PRDM16: variants seen among roughly 807,000 people sequenced by gnomAD.
PRDM16 encodes the protein histone-lysine N-methyltransferase PRDM16.
Under a neutral mutation model 110.6 loss-of-function variants are expected in PRDM16, and 23 were observed. That is an observed-to-expected ratio of 0.21 (90% confidence interval 0.15 to 0.29). The LOEUF is 0.29. Among genes scored for constraint, PRDM16 ranks in the 10% least tolerant of loss-of-function variants. The pLI is 1.00. For missense variants in PRDM16, 1,615 were observed against 1,794.3 expected (o/e 0.90, Z 1.81); for synonymous variants, 799 against 781.8 (o/e 1.02, Z -0.37).
intron 3 of PRDM16, among the ~76,000 whole-genome samples, chr1:3,360,836 CT>C (rs969330063): frequency 2.0e-5 from 3 of 152,226 alleles, no homozygotes; most frequent in African/African-American, 7.2e-5. Flanking sequence ...GCAGGACCCC[CT>C]GACTCAGGCC....
rs997669922 is a variant in PRDM16 at position 3,255,661 on chromosome 1, A to G, written c.438+11524A>G. Among the ~76,000 whole-genome samples, 1 of 152,122 alleles carries G rather than the reference A, an allele frequency of 6.6e-6. No homozygotes were observed. The highest frequency in any genetic ancestry group is 1.5e-5 in the Non-Finnish European group (1 of 68,016). ...GTGGGCAAGCAGCAGGGCTTGGTCC[A>G]CCCTGGCGGTTGGGCCCAGTTTGTC... On this transcript the variant is annotated intron_variant, in intron 3 of 16. Transcript: ENST00000270722. This position sits in a 1 kb window ranked among gnomAD's most constrained non-coding sequence, Gnocchi z 4.7.
Position 3,158,900 on chromosome 1 carries a change from G to A in PRDM16, c.38-27225G>A, listed in dbSNP as rs564208925. 1.6e-4 allele frequency among the ~76,000 whole-genome samples: 25 copies of A among 151,672 alleles called. No homozygotes were observed. The South Asian group carries it at 4.4e-3, about 27-fold the overall frequency. ...GCAATTCTCCCTGCCCCAACCTCCC[G>A]AGTAGCTGGAAGGCGCCTGCCACCA... On this transcript the variant is annotated intron_variant, in intron 1 of 16. Transcript: ENST00000270722.
intron 12 of PRDM16, among the ~76,000 whole-genome samples, chr1:3,419,921 G>GC (rs942910514): frequency 3.3e-5 from 5 of 151,160 alleles, no homozygotes; most frequent in African/African-American, 7.3e-5. Context: ...CAATTCACAG[G>GC]CCCCCCCTTA....
At position 3,091,470 on chromosome 1, in the gene PRDM16, G is replaced by A. The variant is rs185414910; in HGVS notation, c.37+22174G>A. ...CAGGACTCAGATCCAGGGGGAGTTC[G>A]TGAGAAGGGCAGGGGTTGGGCCGAA... On this transcript the variant is annotated intron_variant, in intron 1 of 16. Transcript: ENST00000270722. 2.3e-3 allele frequency among the ~76,000 whole-genome samples: 349 copies of A among 152,326 alleles called. 2 individuals carry two copies. Among genetic ancestry groups the A allele is most frequent in the Non-Finnish European group, 4.2e-3 (286 of 68,024 alleles).
At chr1:3,323,340 C>T (rs1228840447) in intron 3 of PRDM16, among the ~76,000 whole-genome samples, 1 of 152,238 alleles carries the variant, frequency 6.6e-6, no homozygotes, top group Non-Finnish European at 1.5e-5. Flanking sequence ...CCAGAGCACT[C>T]AGCCTGCACC....
chr1:3,411,284 C>T lies in PRDM16; in HGVS notation c.1187-100C>T, dbSNP rs1430132409. On this transcript the variant is annotated intron_variant, in intron 8 of 16. Coordinates refer to ENST00000270722, the MANE Select transcript of PRDM16 (RefSeq NM_022114.4). ...GACTGCTTCCAGCCCCAGCCTCGCC[C>T]CTCCAGCGGCTGGCTTTCCCAGTAA... 7 of 1,302,676 alleles carry T rather than the reference C, an allele frequency of 5.4e-6. No individual in the cohort carries two copies. In the Admixed American group the frequency reaches 1.0e-4, roughly 19 times the overall value. 80.7% of individuals were successfully genotyped at this position (1,302,676 alleles called of 1,614,324 possible).
intron 8 of PRDM16, among the ~76,000 whole-genome samples, chr1:3,409,033 G>T (rs1569716802): frequency 6.6e-6 from 1 of 151,832 alleles, no homozygotes; most frequent in East Asian, 2.0e-4. Flanking sequence ...GTGTGTGTGA[G>T]TGTGGGCGTG....
intron 3 of PRDM16, among the ~76,000 whole-genome samples, chr1:3,335,758 G>A (rs570421267): frequency 2.5e-4 from 38 of 152,288 alleles, no homozygotes; most frequent in Middle Eastern, 3.4e-3. Context: ...GCCTGGCAGG[G>A]GCAAGGAGGA....
intron 4 of PRDM16, among the ~76,000 whole-genome samples, chr1:3,395,185 G>T (rs1643367026): frequency 6.6e-6 from 1 of 151,968 alleles, no homozygotes; most frequent in South Asian, 2.1e-4. Context: ...CAATGTGGGG[G>T]ACATGGGGGA....
chr1:3,354,029 C>G (rs1267065937), intron 3 of PRDM16, among the ~76,000 whole-genome samples: 1 of 152,226 alleles, frequency 6.6e-6, no homozygotes, highest in Non-Finnish European at 1.5e-5. Flanking sequence ...CCAGCCACGC[C>G]CATGGAACCG....
intron 12 of PRDM16, among the ~76,000 whole-genome samples, chr1:3,420,477 G>A (rs137961451): frequency 1.2e-3 from 181 of 152,344 alleles, no homozygotes; most frequent in African/African-American, 3.6e-3. Context: ...ACGCAGCCCC[G>A]CGCAAGCAGG....
At chr1:3,199,744 G>A (rs927853804) in intron 2 of PRDM16, among the ~76,000 whole-genome samples, 2 of 152,304 alleles carry the variant, frequency 1.3e-5, no homozygotes, top group East Asian at 1.9e-4. Flanking sequence ...AGCTGCACTC[G>A]AGCCCCAAGG....
chr1:3,420,591 C>T (rs940880756), intron 12 of PRDM16, among the ~76,000 whole-genome samples: 5 of 152,208 alleles, frequency 3.3e-5, no homozygotes, highest in African/African-American at 7.2e-5. Flanking sequence ...GACCTGAAAT[C>T]GTTCAGAATG....
intron 1 of PRDM16, among the ~76,000 whole-genome samples, chr1:3,119,511 C>A (rs1643043293): frequency 6.6e-6 from 1 of 152,314 alleles, no homozygotes; most frequent in African/African-American, 2.4e-5. Context: ...CAAAGCCTCA[C>A]CCCCAGGGAT....
chr1:3,082,105 T>C (rs1286234861), intron 1 of PRDM16, among the ~76,000 whole-genome samples: 1 of 152,116 alleles, frequency 6.6e-6, no homozygotes, highest in Non-Finnish European at 1.5e-5. Flanking sequence ...GAACTGAAGC[T>C]CCACCATGTT....
chr1:3,188,923 C>T lies in PRDM16; in HGVS notation c.387+2449C>T, dbSNP rs536061941. ...GGAGGTTTCTCCCCACCTCCAGCCA[C>T]CTCAGTTGGGGCCTTTGGGCAGGAA... On this transcript the variant is annotated intron_variant, in intron 2 of 16. Coordinates refer to ENST00000270722, the MANE Select transcript of PRDM16 (RefSeq NM_022114.4). Among the ~76,000 whole-genome samples, 12 of 152,370 alleles carry T rather than the reference C, an allele frequency of 7.9e-5. No homozygotes were observed. The South Asian group carries it at 2.5e-3, about 32-fold the overall frequency.
At chr1:3,291,260 C>T (rs894487720) in intron 3 of PRDM16, among the ~76,000 whole-genome samples, 1 of 152,134 alleles carries the variant, frequency 6.6e-6, no homozygotes, top group Non-Finnish European at 1.5e-5. Flanking sequence ...AGGGCGTTCC[C>T]AGGAACAGGG....
At chr1:3,181,322 A>G (rs867504356) in intron 1 of PRDM16, among the ~76,000 whole-genome samples, 221 of 45,186 alleles carry the variant, frequency 4.9e-3, no homozygotes, top group African/African-American at 0.012. Flanking sequence ...TTACACACGC[A>G]ATCTTACACA....
intron 2 of PRDM16, among the ~76,000 whole-genome samples, chr1:3,227,541 C>T (rs901183230): frequency 2.6e-5 from 4 of 152,242 alleles, no homozygotes; most frequent in South Asian, 2.1e-4. Flanking sequence ...AGCGTGGGGC[C>T]GCAGCTGCGG....
Sources: allele counts gnomAD v4.1 joint callset (sites outside exome capture counted in the v4.1 genomes callset), GRCh38; gene constraint gnomAD v4.1.1; non-coding constraint Gnocchi (gnomAD v3.1); transcripts MANE v1.5; gene names NCBI Gene and HGNC (gene_info 2026-07-23, HGNC 2026-07-21).